The following SGCZ variants were observed in gnomAD, a reference collection of about 807,000 sequenced individuals.
SGCZ encodes sarcoglycan zeta.
Under a neutral mutation model 41.3 loss-of-function variants are expected in SGCZ, and 40 were observed. The ratio of observed to expected loss-of-function variants is 0.97; its 90% CI spans 0.75 to 1.26. The LOEUF is 1.26. SGCZ is among the 50% of genes most tolerant of loss of function. The pLI is 0.00. For synonymous variants in SGCZ, 206 were observed against 137.5 expected, an observed-to-expected ratio of 1.50 and a Z score of -3.49; for missense variants, 552 against 369.8, an observed-to-expected ratio of 1.49 and a Z score of -4.04.
intron 2 of SGCZ, among the ~76,000 whole-genome samples, chr8:14,530,722 C>A (rs181176450): frequency 1.3e-5 from 2 of 152,160 alleles, no homozygotes; most frequent in South Asian, 2.1e-4. Context: ...GTAGTGCTTG[C>A]TTATAGCCCC....
intron 3 of SGCZ, among the ~76,000 whole-genome samples, chr8:14,283,833 T>C (rs1800530829): frequency 6.6e-6 from 1 of 152,226 alleles, no homozygotes; most frequent in Non-Finnish European, 1.5e-5. Context: ...ACTGCTACTT[T>C]ACAAAGCAAG....
chr8:14,190,769 AT>A (rs1355373516), intron 4 of SGCZ, among the ~76,000 whole-genome samples: 1 of 151,666 alleles, frequency 6.6e-6, no homozygotes, highest in African/African-American at 2.4e-5. Flanking sequence ...CGCCCGGCTA[AT>A]TTTTTATATT....
intron 1 of SGCZ, among the ~76,000 whole-genome samples, chr8:14,595,018 A>C: frequency 6.6e-6 from 1 of 152,066 alleles, no homozygotes; most frequent in East Asian, 1.9e-4. Context: ...TTTCTGTAGT[A>C]AAATACTTCG....
intron 1 of SGCZ, among the ~76,000 whole-genome samples, chr8:14,711,362 G>T (rs1484500756): frequency 6.6e-6 from 1 of 151,034 alleles, no homozygotes; most frequent in Admixed American, 6.6e-5. Context: ...GGCTGAGGCT[G>T]GCAGATCCCT....
chr8:14,299,172 T>C (rs1293468470), intron 3 of SGCZ, among the ~76,000 whole-genome samples: 2 of 152,052 alleles, frequency 1.3e-5, no homozygotes, highest in East Asian at 1.9e-4. Context: ...ATCAACTAAA[T>C]TGAAATGGTT....
intron 1 of SGCZ, among the ~76,000 whole-genome samples, chr8:15,176,276 G>T (rs983551413): frequency 2.0e-5 from 3 of 151,796 alleles, no homozygotes; most frequent in Non-Finnish European, 4.4e-5. Flanking sequence ...CTCAGTCATG[G>T]GTTATCTGTT....
intron 1 of SGCZ, among the ~76,000 whole-genome samples, chr8:15,041,552 T>C (rs1804097208): frequency 6.6e-6 from 1 of 152,060 alleles, no homozygotes; most frequent in African/African-American, 2.4e-5. Context: ...AGAAAGCGGG[T>C]TAATCAAACA....
At chr8:14,722,853 G>A (rs1419995677) in intron 1 of SGCZ, among the ~76,000 whole-genome samples, 1 of 152,092 alleles carries the variant, frequency 6.6e-6, no homozygotes, top group Non-Finnish European at 1.5e-5. Flanking sequence ...TGTACACAGG[G>A]ATTTATGTGT....
chr8:14,123,854 TA>T (rs1041216968), intron 5 of SGCZ, among the ~76,000 whole-genome samples: 5 of 152,132 alleles, frequency 3.3e-5, no homozygotes, highest in African/African-American at 1.2e-4. Context: ...TGGATTATCT[TA>T]AAAACAGGAT....
At chr8:14,502,987 C>T (rs1268617323) in intron 2 of SGCZ, among the ~76,000 whole-genome samples, 2 of 152,162 alleles carry the variant, frequency 1.3e-5, no homozygotes, top group Non-Finnish European at 2.9e-5. Context: ...TATAAAGACA[C>T]ATGCACATGT....
At position 14,108,196 on chromosome 8, in the gene SGCZ, G is replaced by T. The variant is rs145213189; in HGVS notation, c.587C>A (p.Pro196Gln). 8 of 1,613,908 alleles carry T rather than the reference G, an allele frequency of 5.0e-6. No individual in the cohort carries two copies. The highest frequency in any genetic ancestry group is 1.7e-5 in the Admixed American group (1 of 59,986). Residue 196 changes from proline to glutamine, a missense_variant, in exon 6 of 8, where the codon CCG becomes CAG. Transcript: ENST00000382080. ...GAVFGHSVET[P>Q]HIRAEPSQDL... is the part of the protein sequence containing the mutation. ...TTGGGATGGCTCTGCTCTGATGTGC[G>T]GCGTCTCCACAGAGTGCCCAAATAC...
At chr8:14,857,793 G>C (rs138962581) in intron 1 of SGCZ, among the ~76,000 whole-genome samples, 1 of 152,140 alleles carries the variant, frequency 6.6e-6, no homozygotes, top group African/African-American at 2.4e-5. Context: ...TTGAACCCAG[G>C]AGGTGGAGGT....
At chr8:14,918,221 G>A (rs1337088620) in intron 1 of SGCZ, among the ~76,000 whole-genome samples, 1 of 152,072 alleles carries the variant, frequency 6.6e-6, no homozygotes, top group Non-Finnish European at 1.5e-5. Flanking sequence ...GAGACCGGCT[G>A]AATTTGAAGT....
chr8:14,726,533 T>C (rs745508575), intron 1 of SGCZ, among the ~76,000 whole-genome samples: 1 of 151,696 alleles, frequency 6.6e-6, no homozygotes, highest in Non-Finnish European at 1.5e-5. Flanking sequence ...AGGCACAGTA[T>C]TGGTTGACCA....
chr8:14,971,864 G>A (rs1801309618), intron 1 of SGCZ, among the ~76,000 whole-genome samples: 1 of 151,652 alleles, frequency 6.6e-6, no homozygotes, highest in Non-Finnish European at 1.5e-5. Flanking sequence ...TGGCCAGAAT[G>A]GTTTCAATCA....
At chr8:14,390,791 G>A (rs1218406053) in intron 2 of SGCZ, among the ~76,000 whole-genome samples, 2 of 151,882 alleles carry the variant, frequency 1.3e-5, no homozygotes, top group Non-Finnish European at 2.9e-5. Flanking sequence ...AAAATATCTG[G>A]TGAGCAATAT....
chr8:14,629,347 T>C lies in SGCZ; in HGVS notation c.40-74421A>G, dbSNP rs73664413. Among the ~76,000 whole-genome samples the C allele has an allele frequency of 5.4e-3, 355 of 65,626 alleles. 2 individuals carry two copies. The highest frequency in any genetic ancestry group is 0.018 in the African/African-American group (335 of 18,784). 43.1% of individuals were successfully genotyped at this position (65,626 alleles called of 152,430 possible). Reference sequence around the variant, plus strand: ...TGTTTTTAGTGACTAGTAGGTAAGATTAATGTAAAATACATTATCTAAATA... The same window carrying C: ...TGTTTTTAGTGACTAGTAGGTAAGACTAATGTAAAATACATTATCTAAATA... On this transcript the variant is annotated intron_variant, in intron 1 of 7. Coordinates refer to ENST00000382080, the MANE Select transcript of SGCZ (RefSeq NM_139167.4).
chr8:14,864,197 G>A (rs1203538683), intron 1 of SGCZ, among the ~76,000 whole-genome samples: 1 of 152,054 alleles, frequency 6.6e-6, no homozygotes, highest in African/African-American at 2.4e-5. Flanking sequence ...TACTGTGCTC[G>A]AAAACATCCT....
chr8:14,626,051 T>G (rs2117383615), intron 1 of SGCZ, among the ~76,000 whole-genome samples: 1 of 152,348 alleles, frequency 6.6e-6, no homozygotes, highest in Admixed American at 6.5e-5. Context: ...TAGTGGCTTT[T>G]ATCCTAAAAT....
Sources: allele counts gnomAD v4.1 joint callset (sites outside exome capture counted in the v4.1 genomes callset), GRCh38; gene constraint gnomAD v4.1.1; transcripts MANE v1.5; gene names NCBI Gene and HGNC (gene_info 2026-07-23, HGNC 2026-07-21).